RCAN1: variants seen among roughly 807,000 people sequenced by gnomAD.
The protein encoded by RCAN1 is regulator of calcineurin 1, also known as calcipressin-1.
A neutral mutation model predicts 22.9 loss-of-function variants in RCAN1; 11 were observed. That is an observed-to-expected ratio of 0.48 (90% CI 0.30 to 0.79). The LOEUF is 0.79. Among genes scored for constraint, RCAN1 ranks in the 30% least tolerant of loss-of-function variants. The pLI, the probability that RCAN1 is intolerant of heterozygous loss-of-function variation, is 0.06. For synonymous variants in RCAN1, 136 were observed against 142.3 expected (o/e 0.96, Z 0.32); for missense variants, 291 against 337.8 (o/e 0.86, Z 1.09).
intron 1 of RCAN1, among the ~76,000 whole-genome samples, chr21:34,561,066 A>G (rs777741901): frequency 1.4e-4 from 22 of 152,160 alleles, no homozygotes; most frequent in Non-Finnish European, 2.5e-4. Flanking sequence ...ATAAGTGCCT[A>G]TCATTTCCCC....
intron 1 of RCAN1, among the ~76,000 whole-genome samples, chr21:34,540,027 T>C (rs1183080934): frequency 6.6e-6 from 1 of 152,208 alleles, no homozygotes; most frequent in Non-Finnish European, 1.5e-5. Flanking sequence ...CTTGCTCACC[T>C]GCATTATTTT....
intron 1 of RCAN1, among the ~76,000 whole-genome samples, chr21:34,527,297 A>G (rs1320879630): frequency 2.7e-5 from 4 of 150,052 alleles, no homozygotes; most frequent in African/African-American, 9.9e-5. Flanking sequence ...CGGGTGACAT[A>G]CTTGATCCCT....
intron 1 of RCAN1, among the ~76,000 whole-genome samples, chr21:34,600,284 C>A (rs1988288903): frequency 6.6e-6 from 1 of 152,174 alleles, no homozygotes; most frequent in South Asian, 2.1e-4. Context: ...CTAATGGAAA[C>A]CAGGGCAGCA....
chr21:34,575,119 C>T (rs1053986267), intron 1 of RCAN1, among the ~76,000 whole-genome samples: 1 of 152,210 alleles, frequency 6.6e-6, no homozygotes, highest in Non-Finnish European at 1.5e-5. Flanking sequence ...GAACAGCACC[C>T]GTGGGTCACT....
intron 1 of RCAN1, among the ~76,000 whole-genome samples, chr21:34,556,065 A>AAAAT (rs71324312): frequency 0.027 from 2,917 of 108,070 alleles, 71 homozygotes; most frequent in African/African-American, 0.063. Flanking sequence ...TCCATTTCAA[A>AAAAT]AAATAAATAA....
In RCAN1 at chr21:34,551,791, T is replaced by TAA. The variant is rs151201140; in HGVS notation, c.253-28083_253-28082dup. 4.7e-5 allele frequency among the ~76,000 whole-genome samples: 7 copies of TAA among 150,396 alleles called. No individual in the cohort carries two copies. The South Asian group carries it at 6.3e-4, about 14-fold the overall frequency. ...GGAGGATGAAGACAAGTGGGCTGTG[T>TAA]AAAAAAAAAATCTTAGAATGAAGAC... is the stretch of plus-strand genomic sequence containing the variant. On this transcript the variant is annotated intron_variant, in intron 1 of 3. Coordinates refer to ENST00000313806, the MANE Select transcript of RCAN1 (RefSeq NM_004414.7).
At chr21:34,573,295 A>C (rs1461801729) in intron 1 of RCAN1, among the ~76,000 whole-genome samples, 5 of 152,210 alleles carry the variant, frequency 3.3e-5, no homozygotes, top group African/African-American at 1.2e-4. Flanking sequence ...GCAGGGAGAC[A>C]CAGACAGACT....
At chr21:34,579,212 T>C (rs1448085500) in intron 1 of RCAN1, among the ~76,000 whole-genome samples, 1 of 152,062 alleles carries the variant, frequency 6.6e-6, no homozygotes, top group Non-Finnish European at 1.5e-5. Context: ...CTGGGCAACA[T>C]GGCAAAACCT....
intron 1 of RCAN1, chr21:34,524,218 A>C (rs904744271): frequency 2.0e-5 from 3 of 153,062 alleles, no homozygotes; most frequent in Non-Finnish European, 4.4e-5. Flanking sequence ...GAAGGTAAGA[A>C]GGTATGATTT....
chr21:34,591,382 A>G (rs1372008909), intron 1 of RCAN1, among the ~76,000 whole-genome samples: 1 of 152,186 alleles, frequency 6.6e-6, no homozygotes, highest in Non-Finnish European at 1.5e-5. Context: ...GTTTCCTGCA[A>G]AGTGAGGAGC....
intron 1 of RCAN1, among the ~76,000 whole-genome samples, chr21:34,542,848 T>C (rs897038877): frequency 1.3e-5 from 2 of 152,150 alleles, no homozygotes; most frequent in South Asian, 2.1e-4. Context: ...CATCTACATA[T>C]GTAGGGTCTG....
At chr21:34,599,431 G>A (rs1397843250) in intron 1 of RCAN1, among the ~76,000 whole-genome samples, 4 of 152,102 alleles carry the variant, frequency 2.6e-5, no homozygotes, top group Non-Finnish European at 5.9e-5. Context: ...CCGAGATCAC[G>A]CCACTGCACT....
At chr21:34,563,794 T>TAGAGAGAG (rs60116779) in intron 1 of RCAN1, among the ~76,000 whole-genome samples, 1,188 of 48,636 alleles carry the variant, frequency 0.024, 47 homozygotes, top group South Asian at 0.034. Flanking sequence ...TATATATATA[T>TAGAGAGAG]AGAGAGAGAG....
chr21:34,611,865 G>A (rs891637474), intron 1 of RCAN1, among the ~76,000 whole-genome samples: 1 of 152,122 alleles, frequency 6.6e-6, no homozygotes, highest in African/African-American at 2.4e-5. Context: ...CCAAGGACCC[G>A]CTGTGACTTT....
At chr21:34,610,105 C>T (rs1371175688) in intron 1 of RCAN1, among the ~76,000 whole-genome samples, 2 of 152,146 alleles carry the variant, frequency 1.3e-5, no homozygotes, top group South Asian at 2.1e-4. Flanking sequence ...CCAACTGTTA[C>T]TCTCCTGCTA....
chr21:34,520,819 G>T (rs1449268216), intron 3 of RCAN1, among the ~76,000 whole-genome samples: 1 of 152,180 alleles, frequency 6.6e-6, no homozygotes, highest in Admixed American at 6.5e-5. Flanking sequence ...CCTTTCACTC[G>T]ATGATCTCAT....
At position 34,608,367 on chromosome 21, in the gene RCAN1, C is replaced by T. The variant is rs79610658; in HGVS notation, c.252+6393G>A. ...CTCCCTGAGTGAGATTTGCACTTAC[C>T]GACTCGCTTCTCAGGAATAGAATAC... On this transcript the variant is annotated intron_variant, in intron 1 of 3. Coordinates refer to ENST00000313806, the MANE Select transcript of RCAN1 (RefSeq NM_004414.7). 4.5e-3 allele frequency among the ~76,000 whole-genome samples: 679 copies of T among 152,190 alleles called. 21 individuals carry two copies. The East Asian group carries it at 0.078, about 18-fold the overall frequency.
intron 1 of RCAN1, among the ~76,000 whole-genome samples, chr21:34,585,358 A>T (rs1987752834): frequency 6.6e-6 from 1 of 152,272 alleles, no homozygotes; most frequent in South Asian, 2.1e-4. Context: ...TAAGTCAAGG[A>T]TGCATTTTGT....
intron 1 of RCAN1, among the ~76,000 whole-genome samples, chr21:34,565,866 A>G (rs948156346): frequency 2.6e-5 from 4 of 152,154 alleles, no homozygotes; most frequent in Admixed American, 6.5e-5. Flanking sequence ...CCATGTATAC[A>G]CATTTGCCTG....
Sources: allele counts gnomAD v4.1 joint callset (sites outside exome capture counted in the v4.1 genomes callset), GRCh38; gene constraint gnomAD v4.1.1; transcripts MANE v1.5; gene names NCBI Gene and HGNC (gene_info 2026-07-23, HGNC 2026-07-21).